The following PHACTR2 variants were observed in gnomAD, a reference collection of about 807,000 sequenced individuals.
The protein encoded by PHACTR2 is chromosome 6 open reading frame 56.
A neutral mutation model predicts 76.0 loss-of-function variants in PHACTR2; 30 were observed. That is an observed-to-expected ratio of 0.39 (90% confidence interval 0.30 to 0.54). PHACTR2 has a LOEUF of 0.54. PHACTR2 is among the 20% of genes least tolerant of loss of function. The probability of loss-of-function intolerance (pLI) is 0.61; values close to 1 mark genes in which losing one functional copy is unlikely to be tolerated. For synonymous variants in PHACTR2, 292 were observed against 292.5 expected (o/e 1.00, Z 0.02); for missense variants, 696 against 781.1 (o/e 0.89, Z 1.30).
chr6:143,757,186 T>A lies in PHACTR2; in HGVS notation c.455-3215T>A, dbSNP rs562350369. On this transcript the variant is annotated intron_variant, in intron 4 of 12. Transcript: ENST00000440869. This position sits in a 1 kb window ranked among gnomAD's most constrained non-coding sequence, Gnocchi z 4.2. ...GAACACTTATTTGTTCCACAAATAA[T>A]GAAAGTCTACCATAGGTGAGACTCT... 5.9e-5 allele frequency among the ~76,000 whole-genome samples: 9 copies of A among 152,334 alleles called. 1 individual carries two copies. In the South Asian group the frequency reaches 1.9e-3, roughly 32 times the overall value.
chr6:143,698,001 T>C lies in PHACTR2; in HGVS notation c.47-14015T>C, dbSNP rs1777810715. On this transcript the variant is annotated intron_variant, in intron 1 of 12. Transcript: ENST00000440869. This position sits in a 1 kb window ranked among gnomAD's most constrained non-coding sequence, Gnocchi z 4.3. The stretch of plus-strand genomic sequence containing the variant: ...CAACAATTAAAAATCATTTTTATGG[T>C]TTCTGAAAACATTGGTGAATTGCAA... Among the ~76,000 whole-genome samples the C allele has an allele frequency of 6.6e-6, 1 of 152,250 alleles. No individual in the cohort carries two copies. The highest frequency in any genetic ancestry group is 2.1e-4 in the South Asian group (1 of 4,832).
chr6:143,610,489 C>CT lies in PHACTR2; in HGVS notation c.13+2168dup, dbSNP rs529779372. Among the ~76,000 whole-genome samples the CT allele has an allele frequency of 1.4e-4, 22 of 152,210 alleles. No individual in the cohort carries two copies. The highest frequency in any genetic ancestry group is 2.9e-4 in the Non-Finnish European group (20 of 68,040). ...TAGTTTCAAGGAGCCAGACCTTCTT[C>CT]TAGCAAGGCTTTCTGTGTGGGAGTT... On this transcript the variant is annotated intron_variant, in intron 1 of 11. Transcript: ENST00000305766. This position sits in a 1 kb window ranked among gnomAD's most constrained non-coding sequence, Gnocchi z 4.9.
chr6:143,582,000 A>G lies in PHACTR2; in HGVS notation c.217+44793A>G, dbSNP rs1361307199. Among the ~76,000 whole-genome samples the G allele has an allele frequency of 6.6e-6, 1 of 152,200 alleles. No individual in the cohort carries two copies. The highest frequency in any genetic ancestry group is 1.5e-5 in the Non-Finnish European group (1 of 68,034). Reference sequence around the variant, plus strand: ...CCTAAGTGAGTCACATAAACCCTGGACAAAAGGCTGTACCGTCAATATGAG... The same window carrying G: ...CCTAAGTGAGTCACATAAACCCTGGGCAAAAGGCTGTACCGTCAATATGAG... On this transcript the variant is annotated intron_variant, in intron 1 of 11. Transcript: ENST00000367584. This position sits in a 1 kb window ranked among gnomAD's most constrained non-coding sequence, Gnocchi z 4.5.
In PHACTR2 at chr6:143,760,470, G is replaced by A. The variant is rs763683755; in HGVS notation, c.524G>A (p.Arg175Lys). The A allele has an allele frequency of 6.2e-7, 1 of 1,613,790 alleles. No homozygotes were observed. Among genetic ancestry groups the A allele is most frequent in the Admixed American group, 1.7e-5 (1 of 60,000 alleles). ...ALPPSAPPKP[R>K]PKPKPKKSPV... ...CCTCCTTCTGCTCCTCCTAAGCCTA[G>A]ACCCAAACCTAAACCCAAAAAATCA... The change falls in exon 5 of 13, where the codon AGA becomes AAA. Residue 175 changes from arginine to lysine, a missense_variant. Transcript: ENST00000440869. This position sits in a 1 kb window ranked among gnomAD's most constrained non-coding sequence, Gnocchi z 6.4.
chr6:143,606,478 T>G (rs549397772), upstream of PHACTR2, among the ~76,000 whole-genome samples: 2 of 152,334 alleles, frequency 1.3e-5, no homozygotes, highest in Non-Finnish European at 2.9e-5. Context: ...TAAAAATGAC[T>G]GAGAGTCAGA....
In PHACTR2 at chr6:143,662,564, A is replaced by G. The variant is rs1776963845; in HGVS notation, c.14-49452A>G. ...TAAAATGCTGAACTATTGAATAATG[A>G]AAGTGTTTTAAACAACACTAAAAAT... On this transcript the variant is annotated intron_variant, in intron 1 of 11. Coordinates refer to the PHACTR2 transcript ENST00000305766. This position sits in a 1 kb window ranked among gnomAD's most constrained non-coding sequence, Gnocchi z 4.7. Among the ~76,000 whole-genome samples the G allele has an allele frequency of 1.3e-5, 2 of 152,168 alleles. No individual in the cohort carries two copies. Among genetic ancestry groups the G allele is most frequent in the Admixed American group, 1.3e-4 (2 of 15,276 alleles).
rs1250485888 is a variant in PHACTR2 at position 143,709,279 on chromosome 6, A to G, written c.47-2737A>G. ...AGTTAGCGTAGGACTTGAATCTCCA[A>G]TTTTCCCTAGCAATGCACAGTGTCT... On this transcript the variant is annotated intron_variant, in intron 1 of 12. Transcript: ENST00000440869. The surrounding 1 kb of genome is among the most constrained non-coding windows in gnomAD (Gnocchi z 4.4). Among the ~76,000 whole-genome samples, 3 of 152,202 alleles carry G rather than the reference A, an allele frequency of 2.0e-5. No homozygotes were observed. The highest frequency in any genetic ancestry group is 4.8e-5 in the African/African-American group (2 of 41,462).
chr6:143,627,257 C>T lies in PHACTR2; in HGVS notation c.13+18935C>T, dbSNP rs899089668. Among the ~76,000 whole-genome samples the T allele has an allele frequency of 6.6e-6, 1 of 152,030 alleles. No individual in the cohort carries two copies. Among genetic ancestry groups the T allele is most frequent in the Non-Finnish European group, 1.5e-5 (1 of 68,040 alleles). Reference sequence around the variant, plus strand: ...TTGCTAGGCAGAGGGAAATGTGAGTCTCTAACTTTGTAGCTAAACATTATT... The same window carrying T: ...TTGCTAGGCAGAGGGAAATGTGAGTTTCTAACTTTGTAGCTAAACATTATT... On this transcript the variant is annotated intron_variant, in intron 1 of 11. Transcript: ENST00000305766. The surrounding 1 kb of genome is among the most constrained non-coding windows in gnomAD (Gnocchi z 4.3).
At position 143,591,488 on chromosome 6, in the gene PHACTR2, C is replaced by T. The variant is rs1282492505; in HGVS notation, c.217+54281C>T. Among the ~76,000 whole-genome samples, 1 of 152,188 alleles carries T rather than the reference C, an allele frequency of 6.6e-6. No individual in the cohort carries two copies. Among genetic ancestry groups the T allele is most frequent in the African/African-American group, 2.4e-5 (1 of 41,438 alleles). On this transcript the variant is annotated intron_variant, in intron 1 of 11. Coordinates refer to the PHACTR2 transcript ENST00000367584. The surrounding 1 kb of genome is among the most constrained non-coding windows in gnomAD (Gnocchi z 6.4). The stretch of plus-strand genomic sequence containing the variant: ...AAAGAGCATATGAGACCAGGAGGGA[C>T]TAAGGTGGTCCTTTCCCAGCCAGGG...
At position 143,546,148 on chromosome 6, in the gene PHACTR2, A is replaced by G. The variant is rs1440013637; in HGVS notation, c.217+8941A>G. Among the ~76,000 whole-genome samples the G allele has an allele frequency of 1.3e-5, 2 of 152,212 alleles. No individual in the cohort carries two copies. The highest frequency in any genetic ancestry group is 6.5e-5 in the Admixed American group (1 of 15,280). ...AAAATACCATGCTGAGTGACTCATT[A>G]TCTTTGATCACACTTGCTGAAATTT... On this transcript the variant is annotated intron_variant, in intron 1 of 11. Transcript: ENST00000367584. This position sits in a 1 kb window ranked among gnomAD's most constrained non-coding sequence, Gnocchi z 4.9.
Position 143,615,138 on chromosome 6 carries a change from A to T in PHACTR2, c.13+6816A>T, listed in dbSNP as rs537152383. ...AATACTTGCAGTCACTCTGTAAGTA[A>T]ATATTATCTCCCCCAAGTTACATAT... is the stretch of plus-strand genomic sequence containing the variant. On this transcript the variant is annotated intron_variant, in intron 1 of 11. Transcript: ENST00000305766. Among the ~76,000 whole-genome samples, 3 of 152,296 alleles carry T rather than the reference A, an allele frequency of 2.0e-5. No homozygotes were observed. The South Asian group carries it at 6.2e-4, about 32-fold the overall frequency.
At chr6:143,620,115 C>T (rs1486510962) in intron 1 of PHACTR2, among the ~76,000 whole-genome samples, 1 of 152,132 alleles carries the variant, frequency 6.6e-6, no homozygotes, top group African/African-American at 2.4e-5. Context: ...AAAATTAAAG[C>T]CAACTTTGTT....
rs1414379187 is a variant in PHACTR2, at chr6:143,733,909, C to T, written c.215-15076C>T. Among the ~76,000 whole-genome samples, 3 of 152,148 alleles carry T rather than the reference C, an allele frequency of 2.0e-5. No individual in the cohort carries two copies. Among genetic ancestry groups the T allele is most frequent in the Non-Finnish European group, 2.9e-5 (2 of 68,016 alleles). On this transcript the variant is annotated intron_variant, in intron 2 of 12. Transcript: ENST00000440869. This position sits in a 1 kb window ranked among gnomAD's most constrained non-coding sequence, Gnocchi z 4.0. ...TATTACGTATGCTTTTAAAAAATAT[C>T]GTCTATTATTTTCCTAAAGGTATAT...
intron 1 of PHACTR2, among the ~76,000 whole-genome samples, chr6:143,626,893 A>G (rs950210723): frequency 5.3e-5 from 8 of 152,204 alleles, no homozygotes; most frequent in Non-Finnish European, 1.2e-4. Flanking sequence ...TCAATTTAAT[A>G]TATTGATATT....
rs889396448 is a variant in PHACTR2, at chr6:143,761,000, G to A, written c.694+360G>A. Reference sequence around the variant, plus strand: ...TTCTACCTATATGAGCCTATGGGTGGCTTTTTGGCTTGGATTTTCTTTCAA... The same window carrying A: ...TTCTACCTATATGAGCCTATGGGTGACTTTTTGGCTTGGATTTTCTTTCAA... On this transcript the variant is annotated intron_variant, in intron 5 of 12. Transcript: ENST00000440869. This position sits in a 1 kb window ranked among gnomAD's most constrained non-coding sequence, Gnocchi z 6.4. Among the ~76,000 whole-genome samples the A allele has an allele frequency of 6.6e-6, 1 of 152,150 alleles. No individual in the cohort carries two copies. Among genetic ancestry groups the A allele is most frequent in the Non-Finnish European group, 1.5e-5 (1 of 68,022 alleles).
chr6:143,661,565 T>G (rs1249139754), intron 1 of PHACTR2, among the ~76,000 whole-genome samples: 2 of 150,062 alleles, frequency 1.3e-5, no homozygotes, highest in Non-Finnish European at 3.0e-5. Flanking sequence ...TTTCTTTCTT[T>G]TTTTTTTTTT....
chr6:143,637,148 ATGG>A lies in PHACTR2; in HGVS notation c.13+28832_13+28834del, dbSNP rs150544889. The stretch of plus-strand genomic sequence containing the variant: ...GCGTGACTAACCGGGGGTGGTGCAA[ATGG>A]TGGTGTGCTAAGCATGTGGTTCTTC... On this transcript the variant is annotated intron_variant, in intron 1 of 11. Coordinates refer to the PHACTR2 transcript ENST00000305766. 3.2e-3 allele frequency among the ~76,000 whole-genome samples: 487 copies of A among 152,282 alleles called. 6 individuals carry two copies. The highest frequency in any genetic ancestry group is 0.01 in the Middle Eastern group (3 of 294).
At chr6:143,744,013 C>T (rs1378600387) in intron 2 of PHACTR2, among the ~76,000 whole-genome samples, 1 of 152,230 alleles carries the variant, frequency 6.6e-6, no homozygotes. Context: ...ACAGCTACCT[C>T]TCCATGCCCA....
chr6:143,594,626 C>G (rs1283296699), intron 1 of PHACTR2, among the ~76,000 whole-genome samples: 1 of 152,256 alleles, frequency 6.6e-6, no homozygotes, highest in African/African-American at 2.4e-5. Context: ...ATTGCTGCTA[C>G]TGGAGGGGAA....
Sources: allele counts gnomAD v4.1 joint callset (sites outside exome capture counted in the v4.1 genomes callset), GRCh38; gene constraint gnomAD v4.1.1; non-coding constraint Gnocchi (gnomAD v3.1); transcripts MANE v1.5; gene names NCBI Gene and HGNC (gene_info 2026-07-23, HGNC 2026-07-21).